Variants in PAK5 observed in about 807,000 individuals in gnomAD.
PAK5 encodes the protein serine/threonine-protein kinase PAK 5.
PAK5 carries 16 observed loss-of-function variants against 65.9 expected under a neutral mutation model. The observed-to-expected ratio is 0.24, with a 90% confidence interval of 0.16 to 0.37. The LOEUF is 0.37. PAK5 is among the 10% of genes least tolerant of loss of function. The pLI is 1.00. For synonymous variants in PAK5, 371 were observed against 354.9 expected (o/e 1.05, Z -0.51); for missense variants, 785 against 903.9 (o/e 0.87, Z 1.69).
intron 3 of PAK5, among the ~76,000 whole-genome samples, chr20:9,628,899 TG>T (rs2046884356): frequency 6.6e-6 from 1 of 152,246 alleles, no homozygotes; most frequent in African/African-American, 2.4e-5. Context: ...TTGGAGTTGG[TG>T]GGTAGATGTC....
intron 3 of PAK5, among the ~76,000 whole-genome samples, chr20:9,594,361 A>C (rs1327739958): frequency 6.6e-6 from 1 of 152,222 alleles, no homozygotes; most frequent in Non-Finnish European, 1.5e-5. Flanking sequence ...CCTGCAGGTC[A>C]CATTTGCAGG....
At chr20:9,716,217 T>C (rs530409575) in intron 1 of PAK5, among the ~76,000 whole-genome samples, 8 of 98,080 alleles carry the variant, frequency 8.2e-5, no homozygotes, top group Non-Finnish European at 1.5e-4. Flanking sequence ...CACTAGGACT[T>C]AGTAAAAAGC....
At chr20:9,754,745 T>C (rs2048614811) in intron 1 of PAK5, among the ~76,000 whole-genome samples, 1 of 152,214 alleles carries the variant, frequency 6.6e-6, no homozygotes, top group East Asian at 1.9e-4. Flanking sequence ...ATAAACTAAG[T>C]TCCTCCCAAA....
At chr20:9,837,128 C>T (rs371294407) in intron 1 of PAK5, among the ~76,000 whole-genome samples, 12 of 152,326 alleles carry the variant, frequency 7.9e-5, no homozygotes, top group East Asian at 1.9e-4. Context: ...ACAATCTCTA[C>T]CCACTCACAG....
At chr20:9,806,410 CA>C (rs2049233773) in intron 1 of PAK5, among the ~76,000 whole-genome samples, 1 of 152,178 alleles carries the variant, frequency 6.6e-6, no homozygotes, top group Non-Finnish European at 1.5e-5. Flanking sequence ...AGACACAAGG[CA>C]GAGCATTTGT....
intron 1 of PAK5, among the ~76,000 whole-genome samples, chr20:9,757,232 A>C (rs1289838324): frequency 1.5e-5 from 1 of 67,732 alleles, no homozygotes; most frequent in Non-Finnish European, 2.8e-5. Context: ...CAATATGAAA[A>C]AAAAACTATT....
chr20:9,542,486 G>A, intron 9 of PAK5, 100 bp downstream of exon 9: 2 of 1,164,188 alleles, frequency 1.7e-6, no homozygotes, highest in Non-Finnish European at 2.6e-6. Context: ...CATAAACCAG[G>A]ATCTTCCTGC....
intron 2 of PAK5, among the ~76,000 whole-genome samples, chr20:9,703,560 A>G (rs2047966813): frequency 6.6e-6 from 1 of 152,132 alleles, no homozygotes. Flanking sequence ...AAAATGCTAC[A>G]TAAACTGTAT....
chr20:9,832,489 T>C (rs1177773464), intron 1 of PAK5, among the ~76,000 whole-genome samples: 1 of 152,104 alleles, frequency 6.6e-6, no homozygotes. Context: ...GCCAGGGTGG[T>C]CTCAAACTCC....
At position 9,717,450 on chromosome 20, in the gene PAK5, C is replaced by G. The variant is rs141313614; in HGVS notation, c.-161-6015G>C. 4.8e-3 allele frequency among the ~76,000 whole-genome samples: 731 copies of G among 152,260 alleles called. 4 individuals carry two copies. The highest frequency in any genetic ancestry group is 5.9e-3 in the Non-Finnish European group (398 of 68,024). ...TTACCAAGTACAAAACCATTCCAAG[C>G]AGCATTTTAGTCACCGAATTTAGCT... is the stretch of plus-strand genomic sequence containing the variant. On this transcript the variant is annotated intron_variant, in intron 1 of 9. Transcript: ENST00000353224.
In PAK5 at chr20:9,838,066, G is replaced by T. The variant is rs1441206224; in HGVS notation, c.-162+696C>A. On this transcript the variant is annotated intron_variant, in intron 1 of 9. Coordinates refer to ENST00000353224, the MANE Select transcript of PAK5 (RefSeq NM_177990.4). This position sits in a 1 kb window ranked among gnomAD's most constrained non-coding sequence, Gnocchi z 4.5. Reference sequence around the variant, plus strand: ...TCTCAAGTTTACCCTCTAGGAGGCTGACATGGCACACAATTTTGACAAGAG... The same window carrying T: ...TCTCAAGTTTACCCTCTAGGAGGCTTACATGGCACACAATTTTGACAAGAG... Among the ~76,000 whole-genome samples, 1 of 152,082 alleles carries T rather than the reference G, an allele frequency of 6.6e-6. No homozygotes were observed. The highest frequency in any genetic ancestry group is 1.5e-5 in the Non-Finnish European group (1 of 68,024).
chr20:9,655,490 T>C (rs2047255335), intron 2 of PAK5, among the ~76,000 whole-genome samples: 1 of 152,146 alleles, frequency 6.6e-6, no homozygotes, highest in South Asian at 2.1e-4. Flanking sequence ...TATCTTTCCA[T>C]ATCAGCACAC....
At chr20:9,611,586 T>A (rs2046561200) in intron 3 of PAK5, among the ~76,000 whole-genome samples, 1 of 152,226 alleles carries the variant, frequency 6.6e-6, no homozygotes, top group Non-Finnish European at 1.5e-5. Context: ...GTCACCCCTT[T>A]GAGTTACTCA....
intron 1 of PAK5, among the ~76,000 whole-genome samples, chr20:9,807,926 C>T (rs574492181): frequency 5.3e-5 from 8 of 152,068 alleles, no homozygotes; most frequent in Non-Finnish European, 1.2e-4. Flanking sequence ...CAGGAGAGTT[C>T]CCCAGCCAGA....
At chr20:9,738,177 A>G (rs111775459) in intron 1 of PAK5, among the ~76,000 whole-genome samples, 2,382 of 152,112 alleles carry the variant, frequency 0.016, 20 homozygotes, top group Middle Eastern at 0.044. Context: ...AAACAAAAAA[A>G]CAATGTGGAG....
At position 9,654,480 on chromosome 20, in the gene PAK5, T is replaced by C. The variant is rs1004504455; in HGVS notation, c.-11-10141A>G. ...ACACCCATTGTCACTGCTCTCTCCA[T>C]GTCAGCATCATTTCTCTCTCAGGCT... On this transcript the variant is annotated intron_variant, in intron 2 of 9. Coordinates refer to ENST00000353224, the MANE Select transcript of PAK5 (RefSeq NM_177990.4). Among the ~76,000 whole-genome samples the C allele has an allele frequency of 9.8e-5, 15 of 152,342 alleles. No homozygotes were observed. The South Asian group carries it at 2.9e-3, about 29-fold the overall frequency.
chr20:9,785,473 C>T (rs2123706981), intron 1 of PAK5, among the ~76,000 whole-genome samples: 1 of 152,290 alleles, frequency 6.6e-6, no homozygotes, highest in East Asian at 1.9e-4. Context: ...GTTTTGCCAA[C>T]TTTTCAAGTT....
At chr20:9,650,916 T>C (rs911802856) in intron 2 of PAK5, among the ~76,000 whole-genome samples, 3 of 152,196 alleles carry the variant, frequency 2.0e-5, no homozygotes, top group Non-Finnish European at 4.4e-5. Context: ...AAAAATATTT[T>C]TGTTGCCTTA....
chr20:9,798,237 G>C (rs1015558721), intron 1 of PAK5, among the ~76,000 whole-genome samples: 2 of 136,750 alleles, frequency 1.5e-5, no homozygotes, highest in Non-Finnish European at 3.3e-5. Context: ...TAGAGTAACT[G>C]TATGAGTTAT....
Sources: allele counts gnomAD v4.1 joint callset (sites outside exome capture counted in the v4.1 genomes callset), GRCh38; gene constraint gnomAD v4.1.1; non-coding constraint Gnocchi (gnomAD v3.1); transcripts MANE v1.5; gene names NCBI Gene and HGNC (gene_info 2026-07-23, HGNC 2026-07-21).